PRKCB: variants seen among roughly 807,000 people sequenced by gnomAD.
The protein encoded by PRKCB is protein kinase C beta, also known as protein kinase C beta type.
A neutral mutation model predicts 81.5 loss-of-function variants in PRKCB; 13 were observed. That is an observed-to-expected ratio of 0.16 (90% CI 0.10 to 0.25). The LOEUF (loss-of-function observed/expected upper bound fraction) is 0.25. Ranked by LOEUF, PRKCB falls within the 10% of genes least tolerant of loss-of-function variation. The pLI, the probability that PRKCB is intolerant of heterozygous loss-of-function variation, is 1.00. For missense variants in PRKCB, 509 were observed against 875.7 expected (o/e 0.58, Z 5.29); for synonymous variants, 335 against 321.4 (o/e 1.04, Z -0.45).
At chr16:24,060,461 T>G (rs1375901529) in intron 5 of PRKCB, among the ~76,000 whole-genome samples, 1 of 152,198 alleles carries the variant, frequency 6.6e-6, no homozygotes, top group Non-Finnish European at 1.5e-5. Flanking sequence ...AGCGCTGAAC[T>G]TCCTCCCTTA....
At chr16:24,163,696 T>G (rs2141960028) in intron 10 of PRKCB, among the ~76,000 whole-genome samples, 1 of 152,374 alleles carries the variant, frequency 6.6e-6, no homozygotes, top group Middle Eastern at 3.4e-3. Context: ...GAAAGTTGTG[T>G]GTGAACACAT....
In PRKCB at chr16:23,977,397, C is replaced by G. The variant is rs530251282; in HGVS notation, c.206-11111C>G. ...TGATGCCTGCCCACCACCCTCTCCT[C>G]ACAGCCCCATTAAATCAGAATCTCT... On this transcript the variant is annotated intron_variant, in intron 2 of 16. Transcript: ENST00000643927. 3.3e-5 allele frequency among the ~76,000 whole-genome samples: 5 copies of G among 152,262 alleles called. No homozygotes were observed. The South Asian group carries it at 1.0e-3, about 32-fold the overall frequency.
chr16:24,217,507 G>A lies in PRKCB; in HGVS notation c.*2691G>A, dbSNP rs996000020. The A allele has an allele frequency of 1.6e-5, 16 of 985,286 alleles. No homozygotes were observed. The highest frequency in any genetic ancestry group is 1.9e-5 in the Non-Finnish European group (16 of 829,954). 61.0% of individuals were successfully genotyped at this position (985,286 alleles called of 1,614,324 possible). A position where few individuals can be genotyped will look rare whatever the true frequency, so the allele number is the denominator to read the frequency against. On this transcript the variant is annotated 3_prime_UTR_variant, in exon 17 of 17. Coordinates refer to ENST00000643927, the MANE Select transcript of PRKCB (RefSeq NM_002738.7). ...GGCTTCAGATGCTATCAACCTCAAA[G>A]AAATGATCTCAACAGAGAAGCTTAT...
intron 5 of PRKCB, among the ~76,000 whole-genome samples, chr16:24,082,444 T>A (rs1966261577): frequency 6.6e-6 from 1 of 152,234 alleles, no homozygotes; most frequent in Non-Finnish European, 1.5e-5. Context: ...AGAATTACTG[T>A]ACCCAATCTT....
intron 15 of PRKCB, 98 bp from the exon 16 acceptor site, chr16:24,190,992 G>A: frequency 1.4e-6 from 2 of 1,385,928 alleles, no homozygotes; most frequent in Non-Finnish European, 2.0e-6. Flanking sequence ...TTCTTCATTT[G>A]CGCTTTCTTT....
intron 2 of PRKCB, among the ~76,000 whole-genome samples, chr16:23,847,476 C>G (rs1962397676): frequency 6.6e-6 from 1 of 151,480 alleles, no homozygotes; most frequent in African/African-American, 2.4e-5. Flanking sequence ...ATCCATCCAT[C>G]CACCCAGCTA....
intron 3 of PRKCB, among the ~76,000 whole-genome samples, chr16:24,027,080 A>G (rs953053906): frequency 4.6e-5 from 7 of 152,068 alleles, no homozygotes. Flanking sequence ...TACACCTGCC[A>G]TGGTGGTTTG....
intron 10 of PRKCB, among the ~76,000 whole-genome samples, chr16:24,159,700 T>C (rs1472326916): frequency 1.3e-5 from 2 of 152,138 alleles, no homozygotes; most frequent in African/African-American, 4.8e-5. Flanking sequence ...TTATAGAATA[T>C]TTTCACTTTA....
chr16:24,093,532 C>T (rs1428914605), intron 6 of PRKCB, among the ~76,000 whole-genome samples: 2 of 152,166 alleles, frequency 1.3e-5, no homozygotes, highest in African/African-American at 4.8e-5. Flanking sequence ...ATTTTATTCC[C>T]AATGTAGCAA....
chr16:23,977,841 A>G (rs1428938577), intron 2 of PRKCB, among the ~76,000 whole-genome samples: 6 of 152,156 alleles, frequency 3.9e-5, no homozygotes, highest in Non-Finnish European at 7.4e-5. Context: ...CACACAAACC[A>G]TCTCCCTGCC....
chr16:24,093,303 A>C (rs1222786189), intron 6 of PRKCB, among the ~76,000 whole-genome samples: 1 of 152,166 alleles, frequency 6.6e-6, no homozygotes, highest in East Asian at 1.9e-4. Flanking sequence ...GTGTGGTGAC[A>C]GCCTCTCTAG....
intron 2 of PRKCB, among the ~76,000 whole-genome samples, chr16:23,972,233 G>T (rs1202032912): frequency 1.3e-5 from 2 of 152,290 alleles, no homozygotes; most frequent in East Asian, 3.9e-4. Context: ...GTAACAGAAA[G>T]TGGATCAGTG....
intron 2 of PRKCB, among the ~76,000 whole-genome samples, chr16:23,838,047 G>A (rs1962198884): frequency 6.6e-6 from 1 of 152,222 alleles, no homozygotes; most frequent in African/African-American, 2.4e-5. Context: ...ACTCTAACCA[G>A]GGGTATCAAA....
At chr16:23,939,390 A>T (rs946902122) in intron 2 of PRKCB, among the ~76,000 whole-genome samples, 10 of 152,230 alleles carry the variant, frequency 6.6e-5, no homozygotes, top group Non-Finnish European at 1.3e-4. Context: ...ATTATTCTAT[A>T]ATTTATATGA....
At position 24,154,910 on chromosome 16, in the gene PRKCB, T is replaced by C. The variant is rs1034073456; in HGVS notation, c.1239+53T>C. On this transcript the variant is annotated intron_variant, in intron 10 of 16. Coordinates refer to ENST00000643927, the MANE Select transcript of PRKCB (RefSeq NM_002738.7). ...CCACCTCCAGGGCTTCACCAGGCTT[T>C]GGCCAAAGCTATCTTAGCAGCACCC... 3.2e-6 allele frequency: 5 copies of C among 1,568,830 alleles called. No individual in the cohort carries two copies. In the South Asian group the frequency reaches 4.6e-5, roughly 15 times the overall value.
intron 2 of PRKCB, among the ~76,000 whole-genome samples, chr16:23,903,159 G>C (rs1963509393): frequency 6.6e-6 from 1 of 151,616 alleles, no homozygotes; most frequent in Admixed American, 6.6e-5. Flanking sequence ...ACCCTCCCCT[G>C]ACTCAGAGCT....
intron 2 of PRKCB, among the ~76,000 whole-genome samples, chr16:23,933,085 G>A (rs113981217): frequency 1.2e-4 from 19 of 152,214 alleles, no homozygotes; most frequent in African/African-American, 2.4e-4. Context: ...AGTTTTGTTC[G>A]GTGGCAATGT....
chr16:24,015,423 G>A, intron 3 of PRKCB, among the ~76,000 whole-genome samples: 1 of 152,196 alleles, frequency 6.6e-6, no homozygotes, highest in Non-Finnish European at 1.5e-5. Flanking sequence ...GTGGGGCTAG[G>A]GTCTTTTGGC....
At chr16:24,027,226 T>C (rs182299799) in intron 3 of PRKCB, among the ~76,000 whole-genome samples, 37 of 152,284 alleles carry the variant, frequency 2.4e-4, no homozygotes, top group African/African-American at 7.7e-4. Context: ...CTCCCACTTA[T>C]GAGTGAGAAC....
Sources: allele counts gnomAD v4.1 joint callset (sites outside exome capture counted in the v4.1 genomes callset), GRCh38; gene constraint gnomAD v4.1.1; transcripts MANE v1.5; gene names NCBI Gene and HGNC (gene_info 2026-07-23, HGNC 2026-07-21).